EML4: variants seen among roughly 807,000 people sequenced by gnomAD.
EML4 encodes the protein EMAP like 4.
In EML4, 72 loss-of-function variants were observed where a neutral mutation model predicts 129.0. The ratio of observed to expected loss-of-function variants is 0.56; its 90% CI spans 0.46 to 0.68. The LOEUF (loss-of-function observed/expected upper bound fraction) is 0.68. EML4 is among the 30% of genes least tolerant of loss of function. The pLI is 0.00. For synonymous variants in EML4, 532 were observed against 405.0 expected, an observed-to-expected ratio of 1.31 and a Z score of -3.77; for missense variants, 1,363 against 1,190.6, an observed-to-expected ratio of 1.14 and a Z score of -2.13.
At chr2:42,254,360 G>A (rs1675982907) in intron 2 of EML4, among the ~76,000 whole-genome samples, 1 of 151,892 alleles carries the variant, frequency 6.6e-6, no homozygotes, top group African/African-American at 2.4e-5. Flanking sequence ...AGGAGGCTGA[G>A]GTAGACAGAT....
At chr2:42,209,017 C>T (rs543389706) in intron 1 of EML4, among the ~76,000 whole-genome samples, 1 of 152,118 alleles carries the variant, frequency 6.6e-6, no homozygotes, top group African/African-American at 2.4e-5. Flanking sequence ...TGGTTTTATC[C>T]CCTAAGAGTC....
At chr2:42,190,563 C>G (rs1489371279) in intron 1 of EML4, among the ~76,000 whole-genome samples, 2 of 152,124 alleles carry the variant, frequency 1.3e-5, no homozygotes, top group East Asian at 1.9e-4. Flanking sequence ...GATGGGAAAT[C>G]AGATAGAAGC....
chr2:42,288,543 C>G, intron 11 of EML4: 1 of 279,028 alleles, frequency 3.6e-6, no homozygotes. Flanking sequence ...TTCAATATTT[C>G]AGACATTACT....
At chr2:42,270,563 C>T (rs189800210) in intron 6 of EML4, among the ~76,000 whole-genome samples, 226 of 152,292 alleles carry the variant, frequency 1.5e-3, no homozygotes, top group African/African-American at 5.3e-3. Context: ...TCTGTTCACA[C>T]CTGTGCAAAC....
chr2:42,314,801 T>C (rs1669145825), intron 17 of EML4, among the ~76,000 whole-genome samples: 1 of 152,218 alleles, frequency 6.6e-6, no homozygotes, highest in African/African-American at 2.4e-5. Context: ...GGTTCCCATC[T>C]TTGCTTTATA....
At chr2:42,279,812 A>G (rs973957710) in intron 6 of EML4, among the ~76,000 whole-genome samples, 8 of 151,358 alleles carry the variant, frequency 5.3e-5, no homozygotes, top group Non-Finnish European at 8.8e-5. Flanking sequence ...ATTAATAGCC[A>G]TCCGACAGGT....
At chr2:42,316,092 G>C (rs1464298805) in intron 18 of EML4, 42 bp downstream of exon 18, 2 of 1,315,056 alleles carry the variant, frequency 1.5e-6, no homozygotes, top group Non-Finnish European at 2.2e-6. Flanking sequence ...GGCATTCACA[G>C]CACTTCACTG....
chr2:42,222,207 T>G (rs1473674099), intron 1 of EML4, among the ~76,000 whole-genome samples: 1 of 152,148 alleles, frequency 6.6e-6, no homozygotes, highest in Non-Finnish European at 1.5e-5. Flanking sequence ...TTTTATATAT[T>G]TTAAAATCAA....
intron 2 of EML4, among the ~76,000 whole-genome samples, chr2:42,246,691 G>A (rs770303810): frequency 1.3e-5 from 2 of 152,182 alleles, no homozygotes; most frequent in Non-Finnish European, 2.9e-5. Flanking sequence ...ATTTGGGAAT[G>A]TTCCTCTTAT....
chr2:42,211,776 G>T (rs1233528871), intron 1 of EML4, among the ~76,000 whole-genome samples: 1 of 152,088 alleles, frequency 6.6e-6, no homozygotes, highest in East Asian at 1.9e-4. Context: ...GGTGGGTAAT[G>T]TAAACTTAGC....
At chr2:42,310,330 C>G (rs572164784) in intron 17 of EML4, among the ~76,000 whole-genome samples, 2 of 151,602 alleles carry the variant, frequency 1.3e-5, no homozygotes, top group East Asian at 1.9e-4. Context: ...TTTCCCTTCC[C>G]CTTCTCCTTC....
chr2:42,310,770 G>C (rs1331709627), intron 17 of EML4, among the ~76,000 whole-genome samples: 2 of 152,256 alleles, frequency 1.3e-5, no homozygotes, highest in African/African-American at 4.8e-5. Flanking sequence ...AAGATCTCTT[G>C]AAGCCAGGAG....
At chr2:42,303,927 A>C (rs1668449763) in intron 16 of EML4, among the ~76,000 whole-genome samples, 1 of 152,266 alleles carries the variant, frequency 6.6e-6, no homozygotes, top group South Asian at 2.1e-4. Context: ...TCCGTCTCAA[A>C]AAATAAAAAA....
At chr2:42,291,458 T>G (rs1481518384) in intron 11 of EML4, among the ~76,000 whole-genome samples, 1 of 148,232 alleles carries the variant, frequency 6.7e-6, no homozygotes, top group African/African-American at 2.5e-5. Flanking sequence ...TGGAGTGCAG[T>G]GGCATGATCT....
intron 1 of EML4, among the ~76,000 whole-genome samples, chr2:42,173,286 T>C (rs1410810439): frequency 6.6e-6 from 1 of 152,206 alleles, no homozygotes; most frequent in African/African-American, 2.4e-5. Context: ...ATGTTTTTCA[T>C]GTAATATTTG....
intron 1 of EML4, among the ~76,000 whole-genome samples, chr2:42,210,945 A>T (rs1201305217): frequency 6.6e-6 from 1 of 152,242 alleles, no homozygotes; most frequent in Non-Finnish European, 1.5e-5. Flanking sequence ...AAAATTGGTT[A>T]TGTTTAAATA....
At chr2:42,328,840 A>G (rs776980173) in intron 21 of EML4, 46 bp from the exon 22 acceptor site, 19 of 1,520,142 alleles carry the variant, frequency 1.2e-5, no homozygotes, top group East Asian at 2.3e-5. Flanking sequence ...TCACAGTTAT[A>G]TTTCTTCAGC....
intron 1 of EML4, among the ~76,000 whole-genome samples, chr2:42,209,733 C>T (rs1480889076): frequency 3.3e-5 from 5 of 152,112 alleles, no homozygotes; most frequent in East Asian, 1.9e-4. Context: ...AGTTCAAGAC[C>T]AGCCTGACCA....
At chr2:42,237,074 G>A (rs553195090) in intron 1 of EML4, among the ~76,000 whole-genome samples, 1 of 152,216 alleles carries the variant, frequency 6.6e-6, no homozygotes, top group African/African-American at 2.4e-5. Flanking sequence ...AAGTAGCTGG[G>A]ACTACAGGTG....
Sources: gnomAD v4.1 joint callset for allele counts (sites outside exome capture counted in the v4.1 genomes callset) on GRCh38, gnomAD v4.1.1 for gene constraint, MANE v1.5 for transcripts, NCBI Gene and HGNC (gene_info 2026-07-23, HGNC 2026-07-21) for gene names.